CLMN: variants seen among roughly 807,000 people sequenced by gnomAD.
CLMN encodes calmin.
In CLMN, 57 loss-of-function variants were observed where a neutral mutation model predicts 92.7. The ratio of observed to expected loss-of-function variants is 0.61; its 90% CI spans 0.50 to 0.77. The LOEUF is 0.77. Ranked by LOEUF, CLMN falls within the 30% of genes least tolerant of loss-of-function variation. CLMN has a pLI of 0.00. For synonymous variants in CLMN, 466 were observed against 470.6 expected (o/e 0.99, Z 0.13); for missense variants, 1,158 against 1,237.5 (o/e 0.94, Z 0.96).
At chr14:95,292,199 G>A (rs1190807133) in intron 1 of CLMN, among the ~76,000 whole-genome samples, 1 of 152,092 alleles carries the variant, frequency 6.6e-6, no homozygotes, top group Non-Finnish European at 1.5e-5. Flanking sequence ...CATTCACAGG[G>A]AAAAAGCCCA....
At chr14:95,217,463 C>A (rs1897386429) in intron 4 of CLMN, among the ~76,000 whole-genome samples, 2 of 152,170 alleles carry the variant, frequency 1.3e-5, no homozygotes, top group South Asian at 4.1e-4. Flanking sequence ...ATAAGTCAGA[C>A]AACACAGGCT....
At chr14:95,199,758 G>T (rs1282125662) in intron 9 of CLMN, among the ~76,000 whole-genome samples, 1 of 152,004 alleles carries the variant, frequency 6.6e-6, no homozygotes, top group African/African-American at 2.4e-5. Flanking sequence ...GGGAGGAGGT[G>T]CCATTTGCAT....
chr14:95,253,531 TG>T lies in CLMN; in HGVS notation c.83-23399del, dbSNP rs1232516500. Among the ~76,000 whole-genome samples the T allele has an allele frequency of 2.0e-5, 3 of 152,026 alleles. No individual in the cohort carries two copies. In the East Asian group the frequency reaches 5.8e-4, roughly 29 times the overall value. On this transcript the variant is annotated intron_variant, in intron 1 of 12. Coordinates refer to ENST00000298912, the MANE Select transcript of CLMN (RefSeq NM_024734.4). ...CTCGCATGCAGGGAATGCAGGGAGATGGAGGACAGTGTCACCTAATATGGCC... is the reference window on the plus strand; with the variant it reads ...CTCGCATGCAGGGAATGCAGGGAGATGAGGACAGTGTCACCTAATATGGCC...
At chr14:95,280,035 G>A (rs555700191) in intron 1 of CLMN, among the ~76,000 whole-genome samples, 3 of 151,940 alleles carry the variant, frequency 2.0e-5, no homozygotes, top group Non-Finnish European at 2.9e-5. Flanking sequence ...GGCTAAAGCT[G>A]AAGATTTGAG....
At chr14:95,265,442 T>C (rs193066643) in intron 1 of CLMN, among the ~76,000 whole-genome samples, 19 of 152,322 alleles carry the variant, frequency 1.2e-4, no homozygotes, top group African/African-American at 4.3e-4. Flanking sequence ...CTTACTGACT[T>C]TGATCTCGCC....
chr14:95,206,232 T>C (rs1193861191), intron 8 of CLMN, among the ~76,000 whole-genome samples: 1 of 152,190 alleles, frequency 6.6e-6, no homozygotes, highest in Non-Finnish European at 1.5e-5. Context: ...AAATTGTGTC[T>C]GTGCACTTAA....
At chr14:95,290,214 C>G (rs1900510094) in intron 1 of CLMN, among the ~76,000 whole-genome samples, 1 of 152,236 alleles carries the variant, frequency 6.6e-6, no homozygotes, top group Non-Finnish European at 1.5e-5. Flanking sequence ...CCATGATGCC[C>G]TGGGTCCGCC....
chr14:95,220,587 C>T (rs949596397), intron 4 of CLMN, among the ~76,000 whole-genome samples: 2 of 152,204 alleles, frequency 1.3e-5, no homozygotes, highest in African/African-American at 4.8e-5. Context: ...GCTTGCTGGC[C>T]GCCACCATCT....
intron 1 of CLMN, among the ~76,000 whole-genome samples, chr14:95,299,409 G>A (rs957448949): frequency 1.3e-5 from 2 of 152,142 alleles, no homozygotes; most frequent in Non-Finnish European, 2.9e-5. Flanking sequence ...CCAGCCCCAC[G>A]GGACACGCAC....
In CLMN at chr14:95,300,233, C is replaced by T. The variant is rs536634363; in HGVS notation, c.82+19478G>A. On this transcript the variant is annotated intron_variant, in intron 1 of 12. Coordinates refer to ENST00000298912, the MANE Select transcript of CLMN (RefSeq NM_024734.4). ...GCCCCCAAAGGGCTCACACCCAGTGCGGGAGTCACCACAGTGTGACAATGA... is the reference window on the plus strand; with the variant it reads ...GCCCCCAAAGGGCTCACACCCAGTGTGGGAGTCACCACAGTGTGACAATGA... Among the ~76,000 whole-genome samples the T allele has an allele frequency of 8.5e-5, 13 of 152,300 alleles. No homozygotes were observed. The South Asian group carries it at 1.7e-3, about 19-fold the overall frequency.
chr14:95,253,814 C>A (rs1372514390), intron 1 of CLMN, among the ~76,000 whole-genome samples: 3 of 151,996 alleles, frequency 2.0e-5, no homozygotes. Flanking sequence ...CGGGGTTTCA[C>A]CATGTTAGCC....
chr14:95,242,734 A>AT (rs1219325009), intron 1 of CLMN, among the ~76,000 whole-genome samples: 4 of 151,498 alleles, frequency 2.6e-5, no homozygotes, highest in South Asian at 2.1e-4. Context: ...TGTCCGGCTC[A>AT]TTTTTTGTAT....
At chr14:95,278,342 T>G (rs1424986491) in intron 1 of CLMN, among the ~76,000 whole-genome samples, 1 of 152,174 alleles carries the variant, frequency 6.6e-6, no homozygotes, top group Non-Finnish European at 1.5e-5. Context: ...GACCTTTAAG[T>G]TTTTTCTCTT....
At chr14:95,285,467 G>A (rs1233325619) in intron 1 of CLMN, among the ~76,000 whole-genome samples, 2 of 152,180 alleles carry the variant, frequency 1.3e-5, no homozygotes, top group Admixed American at 6.5e-5. Context: ...TCTGGGCCCA[G>A]CAAGGTAGGG....
At chr14:95,204,566 A>G in intron 8 of CLMN, 103 bp from the exon 9 acceptor site, 1 of 1,081,338 alleles carries the variant, frequency 9.2e-7, no homozygotes, top group Non-Finnish European at 1.3e-6. Context: ...AGTACAACCC[A>G]TATCCACCTT....
chr14:95,215,532 G>A (rs1897311838), intron 5 of CLMN, 109 bp downstream of exon 5: 2 of 853,112 alleles, frequency 2.3e-6, no homozygotes, highest in Admixed American at 2.1e-5. Flanking sequence ...GATAAAATCT[G>A]CCATAAACTA....
chr14:95,191,590 G>C lies in CLMN; in HGVS notation c.2983C>G (p.Pro995Ala). The change falls in exon 13 of 13, where the codon CCA (proline) becomes GCA (alanine). Residue 995 changes from proline to alanine, a missense_variant. Pro to Ala is a conservative substitution (Grantham distance 27). Coordinates refer to ENST00000298912, the MANE Select transcript of CLMN (RefSeq NM_024734.4). The surrounding 1 kb of genome is among the most constrained non-coding windows in gnomAD (Gnocchi z 5.3). ...WLLVYCLLLF[P>A]QLDVSRL Reference sequence around the variant, plus strand: ...CAGAGCCTGCTAACATCCAGTTGTGGGAAGAGCAGCAAGCAGTACACCAGG... The same window carrying C: ...CAGAGCCTGCTAACATCCAGTTGTGCGAAGAGCAGCAAGCAGTACACCAGG... 2 of 1,613,214 alleles carry C rather than the reference G, an allele frequency of 1.2e-6. No homozygotes were observed. The highest frequency in any genetic ancestry group is 1.7e-6 in the Non-Finnish European group (2 of 1,179,708).
intron 1 of CLMN, among the ~76,000 whole-genome samples, chr14:95,269,181 C>T (rs567295352): frequency 2.6e-5 from 4 of 152,114 alleles, no homozygotes; most frequent in South Asian, 2.1e-4. Context: ...TCCACCAAGA[C>T]GTTAATCAAA....
Position 95,274,466 on chromosome 14 carries a change from C to T in CLMN, c.83-44333G>A, listed in dbSNP as rs546042545. On this transcript the variant is annotated intron_variant, in intron 1 of 12. Coordinates refer to ENST00000298912, the MANE Select transcript of CLMN (RefSeq NM_024734.4). ...ATGTTAATTGTGGTCAAGTAGCAAACAGCCCTGGAGAGCTGTGGTCCCTCT... is the reference window on the plus strand; with the variant it reads ...ATGTTAATTGTGGTCAAGTAGCAAATAGCCCTGGAGAGCTGTGGTCCCTCT... Among the ~76,000 whole-genome samples the T allele has an allele frequency of 1.2e-3, 187 of 152,308 alleles. 3 individuals are homozygous for T. The highest frequency in any genetic ancestry group is 4.3e-3 in the African/African-American group (178 of 41,572).
Sources: gnomAD v4.1 joint callset for allele counts (sites outside exome capture counted in the v4.1 genomes callset) on GRCh38, gnomAD v4.1.1 for gene constraint, Gnocchi (gnomAD v3.1) non-coding constraint, MANE v1.5 for transcripts, NCBI Gene and HGNC (gene_info 2026-07-23, HGNC 2026-07-21) for gene names.